Variants in PLPP4 observed in about 807,000 individuals in gnomAD.
PLPP4 encodes diacylglycerol pyrophosphate like 2.
In PLPP4, 20 loss-of-function variants were observed where a neutral mutation model predicts 32.2. The ratio of observed to expected loss-of-function variants is 0.62; its 90% confidence interval spans 0.44 to 0.90. PLPP4 has a LOEUF of 0.90. Among genes scored for constraint, PLPP4 ranks in the 40% least tolerant of loss-of-function variants. PLPP4 has a pLI of 0.00. For synonymous variants in PLPP4, 127 were observed against 133.0 expected (o/e 0.95, Z 0.31); for missense variants, 257 against 353.1 (o/e 0.73, Z 2.18).
intron 6 of PLPP4, among the ~76,000 whole-genome samples, chr10:120,579,569 G>A (rs773966706): frequency 1.8e-4 from 28 of 152,152 alleles, no homozygotes; most frequent in Non-Finnish European, 3.1e-4. Flanking sequence ...ACTATTTCAT[G>A]TGCCACAAAA....
At chr10:120,581,082 A>G in intron 6 of PLPP4, 1 of 1,266,138 alleles carries the variant, frequency 7.9e-7, no homozygotes, top group Non-Finnish European at 1.0e-6. Flanking sequence ...AGTCCACTGC[A>G]TATCCTGCTT....
chr10:120,512,738 G>A (rs1473125500), intron 2 of PLPP4, among the ~76,000 whole-genome samples: 3 of 152,080 alleles, frequency 2.0e-5, no homozygotes, highest in South Asian at 2.1e-4. Context: ...GCTTGAACCC[G>A]GGAGGTGGAG....
intron 1 of PLPP4, among the ~76,000 whole-genome samples, chr10:120,465,715 G>A (rs2478433): frequency 0.068 from 10,360 of 152,186 alleles, 490 homozygotes; most frequent in Middle Eastern, 0.15. Context: ...AAAGAAATGT[G>A]CACTATTCAT....
intron 1 of PLPP4, among the ~76,000 whole-genome samples, chr10:120,486,565 G>A (rs894946131): frequency 2.0e-5 from 3 of 152,212 alleles, no homozygotes; most frequent in Non-Finnish European, 2.9e-5. Context: ...TCAGAACTGC[G>A]TGTGACACAT....
chr10:120,492,728 T>A (rs1844777778), intron 1 of PLPP4, among the ~76,000 whole-genome samples: 1 of 152,218 alleles, frequency 6.6e-6, no homozygotes. Flanking sequence ...CAACACTATC[T>A]TCCTTGCTAT....
chr10:120,583,314 A>C (rs1457007513), intron 6 of PLPP4, among the ~76,000 whole-genome samples: 1 of 151,958 alleles, frequency 6.6e-6, no homozygotes, highest in Non-Finnish European at 1.5e-5. Flanking sequence ...TCATGGCAAG[A>C]GGGCAGGGTT....
chr10:120,556,807 A>G (rs985808359), intron 5 of PLPP4, among the ~76,000 whole-genome samples: 5 of 152,152 alleles, frequency 3.3e-5, no homozygotes, highest in African/African-American at 1.2e-4. Context: ...AAACCTCGGC[A>G]CTAGATGTTA....
At chr10:120,482,748 C>T (rs1248165820) in intron 1 of PLPP4, among the ~76,000 whole-genome samples, 2 of 141,036 alleles carry the variant, frequency 1.4e-5, no homozygotes, top group East Asian at 4.1e-4. Flanking sequence ...ACTGAAAATA[C>T]AAAAAAAAAA....
chr10:120,481,318 AG>A (rs1183049635), intron 1 of PLPP4, among the ~76,000 whole-genome samples: 2 of 152,160 alleles, frequency 1.3e-5, no homozygotes, highest in Non-Finnish European at 2.9e-5. Context: ...TCATGGATGG[AG>A]GGTGTGGACT....
At chr10:120,477,205 A>G in intron 1 of PLPP4, among the ~76,000 whole-genome samples, 1 of 143,098 alleles carries the variant, frequency 7.0e-6, no homozygotes, top group East Asian at 2.2e-4. Flanking sequence ...CCTCTCAAGA[A>G]TGTGAGCTGC....
Position 120,457,312 on chromosome 10 carries a change from G to C in PLPP4, c.7G>C (p.Glu3Gln), listed in dbSNP as rs1847827171. 3.9e-6 allele frequency: 6 copies of C among 1,529,728 alleles called. No individual in the cohort carries two copies. The highest frequency in any genetic ancestry group is 2.6e-5 in the East Asian group (1 of 38,364). 94.8% of individuals were successfully genotyped at this position (1,529,728 alleles called of 1,614,324 possible). ...GAGCTGCTCCGGCCGCACCATGCGGGAGCTGGCCATTGAGATCGGGGTGCG... is the reference window on the plus strand; with the variant it reads ...GAGCTGCTCCGGCCGCACCATGCGGCAGCTGGCCATTGAGATCGGGGTGCG... MRELAIEIGVRAL... is the reference protein window; with the variant it reads MRQLAIEIGVRAL... Residue 3 changes from glutamate to glutamine, a missense_variant, in exon 1 of 7, where the codon GAG becomes CAG. Coordinates refer to ENST00000398250, the MANE Select transcript of PLPP4 (RefSeq NM_001030059.3).
At chr10:120,538,028 CTCTCTCTCTCTCTCTCTCTCTCTCTG>C (rs1847125823) in intron 5 of PLPP4, among the ~76,000 whole-genome samples, 3 of 55,298 alleles carry the variant, frequency 5.4e-5, no homozygotes, top group African/African-American at 1.5e-4. Context: ...CTCTCTCTCT[CTCTCTCTCTCTCTCTCTCTCTCTCTG>C]TGTGTGTGTG....
chr10:120,477,242 C>CAAAA (rs140983897), intron 1 of PLPP4, among the ~76,000 whole-genome samples: 1 of 140,630 alleles, frequency 7.1e-6, no homozygotes. Context: ...CAGAACGGTT[C>CAAAA]AAAAAGAAAA....
At chr10:120,484,108 G>A (rs1350694043) in intron 1 of PLPP4, among the ~76,000 whole-genome samples, 1 of 152,200 alleles carries the variant, frequency 6.6e-6, no homozygotes, top group Non-Finnish European at 1.5e-5. Context: ...CAAATGTGAT[G>A]TGCTAGTAAG....
intron 5 of PLPP4, among the ~76,000 whole-genome samples, chr10:120,538,724 T>C (rs1847188034): frequency 6.6e-6 from 1 of 152,230 alleles, no homozygotes; most frequent in African/African-American, 2.4e-5. Context: ...TTCATGATAA[T>C]GCAAATGGCT....
intron 5 of PLPP4, among the ~76,000 whole-genome samples, chr10:120,537,707 A>G (rs1847094575): frequency 1.3e-5 from 2 of 152,200 alleles, no homozygotes; most frequent in South Asian, 4.2e-4. Flanking sequence ...CCCAAAGGTA[A>G]CTATGTGAGG....
intron 5 of PLPP4, among the ~76,000 whole-genome samples, chr10:120,552,234 A>G (rs982280364): frequency 1.3e-5 from 2 of 148,912 alleles, no homozygotes; most frequent in African/African-American, 4.9e-5. Flanking sequence ...AAGTCCACAC[A>G]TTTCTCTAAA....
At chr10:120,571,120 G>GTA (rs1848920888) in intron 5 of PLPP4, among the ~76,000 whole-genome samples, 1 of 118,358 alleles carries the variant, frequency 8.4e-6, no homozygotes, top group Non-Finnish European at 1.9e-5. Context: ...GTGTGTGTGT[G>GTA]TGTGTGTGTG....
At chr10:120,526,140 AT>A (rs1846379574) in intron 5 of PLPP4, among the ~76,000 whole-genome samples, 1 of 152,038 alleles carries the variant, frequency 6.6e-6, no homozygotes, top group African/African-American at 2.4e-5. Context: ...CTTCTATAGA[AT>A]TTTTATTATG....
Sources: allele counts gnomAD v4.1 joint callset (sites outside exome capture counted in the v4.1 genomes callset), GRCh38; gene constraint gnomAD v4.1.1; transcripts MANE v1.5; gene names NCBI Gene and HGNC (gene_info 2026-07-23, HGNC 2026-07-21).